ITPK1: variants seen among roughly 807,000 people sequenced by gnomAD.
ITPK1 encodes the protein inositol 1,3,4-trisphosphate 5/6-kinase.
In ITPK1, 21 loss-of-function variants were observed where a neutral mutation model predicts 45.3. The observed-to-expected ratio is 0.46, with a 90% CI of 0.33 to 0.67. The LOEUF (loss-of-function observed/expected upper bound fraction) is 0.67, where lower values mean the gene tolerates loss of function less well. Ranked by LOEUF, ITPK1 falls within the 30% of genes least tolerant of loss-of-function variation. ITPK1 has a pLI of 0.02. For missense variants in ITPK1, 474 were observed against 573.5 expected (o/e 0.83, Z 1.77); for synonymous variants, 258 against 253.6 (o/e 1.02, Z -0.16).
In ITPK1 at chr14:93,103,099, C is replaced by CAA. The variant is rs71123389; in HGVS notation, c.95+11968_95+11969dup. On this transcript the variant is annotated intron_variant, in intron 2 of 10. Transcript: ENST00000267615. ...TGGGCGACAAAGCAAGACTCCATCT[C>CAA]AAAAAAAAAAAAAAAAAAGAAAGAA... is the stretch of plus-strand genomic sequence containing the variant. Among the ~76,000 whole-genome samples, 218 of 68,800 alleles carry CAA rather than the reference C, an allele frequency of 3.2e-3. 2 individuals carry two copies. Among genetic ancestry groups the CAA allele is most frequent in the Non-Finnish European group, 4.0e-3 (142 of 35,822 alleles). 45.1% of individuals were successfully genotyped at this position (68,800 alleles called of 152,430 possible).
Position 92,993,910 on chromosome 14 carries a change from G to A in ITPK1, c.334C>T (p.Leu112Phe). 1 of 1,612,826 alleles carries A rather than the reference G, an allele frequency of 6.2e-7. No homozygotes were observed. The highest frequency in any genetic ancestry group is 2.2e-5 in the East Asian group (1 of 44,850). The change falls in exon 5 of 11, where the codon CTC (leucine) becomes TTC (phenylalanine). Residue 112 changes from leucine (L) to phenylalanine (F), a missense_variant. Leu to Phe is a conservative substitution (Grantham distance 22). Coordinates refer to ENST00000267615, the MANE Select transcript of ITPK1 (RefSeq NM_014216.6). ...TLLDRSKSYE[L>F]IRKIEAYMED... The stretch of plus-strand genomic sequence containing the variant: ...ATGTAGGCCTCAATCTTCCGGATGA[G>A]CTCATAGGACTTGGAGCGGTCAAGC...
chr14:92,941,169 C>T lies in ITPK1; in HGVS notation c.*392G>A, dbSNP rs1887367263. On this transcript the variant is annotated 3_prime_UTR_variant, in exon 11 of 11. Coordinates refer to ENST00000267615, the MANE Select transcript of ITPK1 (RefSeq NM_014216.6). ...TCAGCCTCCCACAGCCCGACATGGG[C>T]AGGCTTCCCCCAAGGGTCCCGGTCC... The T allele has an allele frequency of 8.2e-7, 1 of 1,223,020 alleles. No individual in the cohort carries two copies. Among genetic ancestry groups the T allele is most frequent in the Non-Finnish European group, 1.0e-6 (1 of 968,152 alleles). 75.8% of individuals were successfully genotyped at this position (1,223,020 alleles called of 1,614,324 possible).
chr14:93,106,935 C>T (rs1205331180), intron 2 of ITPK1, among the ~76,000 whole-genome samples: 1 of 151,822 alleles, frequency 6.6e-6, no homozygotes, highest in East Asian at 1.9e-4. Context: ...TTCCAAAAAC[C>T]ACCAGGCAGT....
At chr14:93,019,539 C>T (rs1888361716) in intron 3 of ITPK1, among the ~76,000 whole-genome samples, 2 of 152,224 alleles carry the variant, frequency 1.3e-5, no homozygotes, top group East Asian at 3.9e-4. Context: ...CACATCAGGC[C>T]TGGGCTGCTC....
rs1227219665 is a variant in ITPK1, at chr14:92,940,936, T to G, written c.*625A>C. The G allele has an allele frequency of 7.8e-7, 1 of 1,287,460 alleles. No homozygotes were observed. Among genetic ancestry groups the G allele is most frequent in the Admixed American group, 2.3e-5 (1 of 43,538 alleles). The allele number at this position is 1,287,460 out of a possible 1,614,324, so 79.8% of individuals were successfully genotyped here. On this transcript the variant is annotated 3_prime_UTR_variant, in exon 11 of 11. Transcript: ENST00000267615. ...CCCAGCTTCCTTTCCTTCCCTTTAG[T>G]GAGGGAGCACAGCCCAGACCCCAGC... is the stretch of plus-strand genomic sequence containing the variant.
At chr14:93,001,538 G>A (rs1887356086) in intron 4 of ITPK1, among the ~76,000 whole-genome samples, 1 of 152,074 alleles carries the variant, frequency 6.6e-6, no homozygotes, top group South Asian at 2.1e-4. Context: ...GCTCCAGAAG[G>A]AGATAGGTGT....
At chr14:93,020,803 T>A (rs985674723) in intron 3 of ITPK1, among the ~76,000 whole-genome samples, 3 of 152,136 alleles carry the variant, frequency 2.0e-5, no homozygotes, top group Non-Finnish European at 4.4e-5. Context: ...TCAGTTTCCT[T>A]GTCTTTAAAG....
At chr14:93,090,307 C>A (rs1179262552) in intron 2 of ITPK1, among the ~76,000 whole-genome samples, 1 of 152,204 alleles carries the variant, frequency 6.6e-6, no homozygotes, top group Non-Finnish European at 1.5e-5. Flanking sequence ...GCCTACCATG[C>A]ACAACACGGA....
chr14:93,068,138 AT>A (rs1182827733), intron 3 of ITPK1: 1 of 152,808 alleles, frequency 6.5e-6, no homozygotes, highest in East Asian at 1.9e-4. Context: ...GTAAAAATCA[AT>A]TAATATTCCT....
At chr14:92,983,968 C>T (rs549040023) in intron 5 of ITPK1, among the ~76,000 whole-genome samples, 3 of 152,232 alleles carry the variant, frequency 2.0e-5, no homozygotes, top group African/African-American at 4.8e-5. Context: ...TGGAAAGAAG[C>T]GAAGCAAGAC....
intron 3 of ITPK1, among the ~76,000 whole-genome samples, chr14:93,037,740 A>G (rs1302969453): frequency 6.6e-6 from 1 of 152,234 alleles, no homozygotes; most frequent in Non-Finnish European, 1.5e-5. Flanking sequence ...CCTGCAGTGG[A>G]GATGGTGAGA....
chr14:93,042,062 T>A (rs1485476531), intron 3 of ITPK1, among the ~76,000 whole-genome samples: 1 of 152,046 alleles, frequency 6.6e-6, no homozygotes, highest in East Asian at 1.9e-4. Context: ...TCATGCTGGG[T>A]CCTCACAGAC....
chr14:93,071,399 G>A (rs954958722), intron 3 of ITPK1: 7 of 152,238 alleles, frequency 4.6e-5, no homozygotes, highest in African/African-American at 1.7e-4. Context: ...CTGGTTCTGA[G>A]AAGTAAACAG....
Position 92,938,285 on chromosome 14 carries a change from C to T in ITPK1, c.*3276G>A. ...AGTTTCTAGGGAATAGAAGAGAGGG[C>T]AGATACAGACCCCAGGGACATTAGT... On this transcript the variant is annotated 3_prime_UTR_variant, in exon 11 of 11. Transcript: ENST00000267615. 1 of 616,572 alleles carries T rather than the reference C, an allele frequency of 1.6e-6. No homozygotes were observed. Among genetic ancestry groups the T allele is most frequent in the East Asian group, 2.7e-5 (1 of 36,494 alleles). 38.2% of individuals were successfully genotyped at this position (616,572 alleles called of 1,614,324 possible). A position where few individuals can be genotyped will look rare whatever the true frequency, so the allele number is the denominator to read the frequency against.
At chr14:93,013,145 A>G (rs920845243) in intron 4 of ITPK1, among the ~76,000 whole-genome samples, 2 of 152,186 alleles carry the variant, frequency 1.3e-5, no homozygotes, top group Admixed American at 6.5e-5. Flanking sequence ...CTGGTTCTGC[A>G]CACTGAGAAC....
intron 5 of ITPK1, among the ~76,000 whole-genome samples, chr14:92,981,096 CAGA>C (rs1886207495): frequency 6.6e-6 from 1 of 152,206 alleles, no homozygotes. Context: ...AGCTGGCACA[CAGA>C]TTGTGGTTAT....
intron 3 of ITPK1, among the ~76,000 whole-genome samples, chr14:93,018,902 C>T (rs1888329203): frequency 1.3e-5 from 2 of 152,236 alleles, no homozygotes; most frequent in Non-Finnish European, 2.9e-5. Flanking sequence ...GAGCAGCCCG[C>T]TGACCTGGGC....
chr14:93,021,603 A>AAAAAAAAAAG (rs1307567818), intron 3 of ITPK1, among the ~76,000 whole-genome samples: 9 of 141,412 alleles, frequency 6.4e-5, no homozygotes, highest in Non-Finnish European at 1.5e-4. Flanking sequence ...AAAAAAAAAA[A>AAAAAAAAAAG]GAAAAGAAAA....
At chr14:93,035,643 T>C (rs1262080696) in intron 3 of ITPK1, among the ~76,000 whole-genome samples, 1 of 152,200 alleles carries the variant, frequency 6.6e-6, no homozygotes, top group East Asian at 1.9e-4. Flanking sequence ...CTGGCTGCTG[T>C]GACACTGGTG....
Sources: allele counts gnomAD v4.1 joint callset (sites outside exome capture counted in the v4.1 genomes callset), GRCh38; gene constraint gnomAD v4.1.1; transcripts MANE v1.5; gene names NCBI Gene and HGNC (gene_info 2026-07-23, HGNC 2026-07-21).